ZFPM1: variants seen among roughly 807,000 people sequenced by gnomAD.
ZFPM1 encodes the protein zinc finger protein, FOG family member 1.
ZFPM1 carries 28 observed loss-of-function variants against 46.3 expected under a neutral mutation model. That is an observed-to-expected ratio of 0.60 (90% CI 0.45 to 0.83). ZFPM1 has a LOEUF of 0.83. Ranked by LOEUF, ZFPM1 falls within the 40% of genes least tolerant of loss-of-function variation. ZFPM1 has a pLI of 0.00. For synonymous variants in ZFPM1, 957 were observed against 675.9 expected (o/e 1.42, Z -6.45); for missense variants, 1,878 against 1,432.4 (o/e 1.31, Z -5.02).
intron 1 of ZFPM1, 61 bp from the exon 2 acceptor site, chr16:88,485,878 C>G: frequency 6.5e-7 from 1 of 1,533,410 alleles, no homozygotes; most frequent in Non-Finnish European, 9.0e-7. Flanking sequence ...CAGGAGGGGT[C>G]AGGAGGCAGG....
intron 4 of ZFPM1, among the ~76,000 whole-genome samples, chr16:88,518,120 G>A (rs1174121648): frequency 1.3e-5 from 2 of 152,084 alleles, no homozygotes; most frequent in African/African-American, 4.8e-5. Flanking sequence ...CAGGAGAATG[G>A]TGTGAACCCG....
intron 1 of ZFPM1, among the ~76,000 whole-genome samples, chr16:88,468,466 C>G (rs1157120164): frequency 1.3e-5 from 2 of 152,196 alleles, no homozygotes; most frequent in Non-Finnish European, 1.5e-5. Context: ...GGGGTTGGGA[C>G]TTGGGGCCAG....
At position 88,526,834 on chromosome 16, in the gene ZFPM1, G is replaced by A. The variant is rs1377273055; in HGVS notation, c.423G>A (p.Leu141=). The A allele has an allele frequency of 2.6e-6, 4 of 1,534,234 alleles. No homozygotes were observed. In the Admixed American group the frequency reaches 5.8e-5, roughly 22 times the overall value. The change falls in exon 5 of 10, where the codon CTG becomes CTA. Residue 141 remains leucine (L), a synonymous_variant. Transcript: ENST00000319555. ...QAEPSPALTL[L]LVDEACWLRT... ...CCCAGAGCCCAGCCCTGACCCTGCT[G>A]CTGGTGGACGAGGCCTGCTGGCTGA...
At chr16:88,531,321 A>G (rs1486945029) in intron 6 of ZFPM1, among the ~76,000 whole-genome samples, 1 of 152,082 alleles carries the variant, frequency 6.6e-6, no homozygotes, top group Non-Finnish European at 1.5e-5. Context: ...CTGCTGGCAA[A>G]ACCACCGTAA....
In ZFPM1 at chr16:88,536,362, C is replaced by CA. The variant is rs1242121291; in HGVS notation, c.*1384dup. On this transcript the variant is annotated 3_prime_UTR_variant, in exon 10 of 10. Transcript: ENST00000319555. ...AACTTTTAAAACATTTTTATAGAGA[C>CA]AGGGTCTTCCTGTGTTGCCCAAGAT... The CA allele has an allele frequency of 6.6e-6, 1 of 152,158 alleles. No individual in the cohort carries two copies. Among genetic ancestry groups the CA allele is most frequent in the Non-Finnish European group, 1.5e-5 (1 of 68,030 alleles). The allele number at this position is 152,158 out of a possible 1,614,324, so 9.4% of individuals were successfully genotyped here. A position where few individuals can be genotyped will look rare whatever the true frequency, so the allele number is the denominator to read the frequency against.
rs1597295397 is a variant in ZFPM1, at chr16:88,536,738, C to G, written c.*1759C>G. The G allele has an allele frequency of 6.6e-6, 1 of 152,376 alleles. No individual in the cohort carries two copies. Among genetic ancestry groups the G allele is most frequent in the East Asian group, 1.9e-4 (1 of 5,178 alleles). The allele number at this position is 152,376 out of a possible 1,614,324, so 9.4% of individuals were successfully genotyped here. ...GCCAATGGACAGACATGGCTTCCAC[C>G]CCCTCCCAGGGACCTGAGCTCCAGG... On this transcript the variant is annotated 3_prime_UTR_variant, in exon 10 of 10. Transcript: ENST00000319555.
chr16:88,524,339 G>A (rs1912146549), intron 4 of ZFPM1, among the ~76,000 whole-genome samples: 1 of 152,132 alleles, frequency 6.6e-6, no homozygotes, highest in Admixed American at 6.5e-5. Flanking sequence ...ATTGCCCCTG[G>A]GGTTTACCCC....
chr16:88,476,602 C>T (rs1044130214), intron 1 of ZFPM1, among the ~76,000 whole-genome samples: 2 of 152,012 alleles, frequency 1.3e-5, no homozygotes, highest in African/African-American at 4.8e-5. Flanking sequence ...CTCCGAGATC[C>T]CCGGGGGCCC....
At position 88,533,399 on chromosome 16, in the gene ZFPM1, C is replaced by T; in HGVS notation, c.1441C>T (p.Pro481Ser). 6.6e-7 allele frequency: 1 copy of T among 1,510,934 alleles called. No individual in the cohort carries two copies. The highest frequency in any genetic ancestry group is 1.4e-5 in the African/African-American group (1 of 69,608). 93.6% of individuals were successfully genotyped at this position (1,510,934 alleles called of 1,614,324 possible). ...EAAPILGPGEPGPQAPSRTPS... is the reference protein window; with the variant it reads ...EAAPILGPGESGPQAPSRTPS... ...GGCCCCCATCCTGGGCCCCGGAGAG[C>T]CTGGGCCCCAGGCCCCGTCGCGGAC... The change falls in exon 10 of 10, where the codon CCT becomes TCT. Residue 481 changes from proline to serine, a missense_variant. By Grantham distance (74) the Pro-to-Ser change is moderately conservative. Transcript: ENST00000319555.
chr16:88,461,787 C>T (rs575386786), intron 1 of ZFPM1, among the ~76,000 whole-genome samples: 2 of 152,314 alleles, frequency 1.3e-5, no homozygotes, highest in African/African-American at 4.8e-5. Flanking sequence ...GCCTCACACC[C>T]CAGCCCCGGC....
chr16:88,497,279 C>A lies in ZFPM1; in HGVS notation c.268+8126C>A, dbSNP rs1056223559. On this transcript the variant is annotated intron_variant, in intron 3 of 9. Coordinates refer to ENST00000319555, the MANE Select transcript of ZFPM1 (RefSeq NM_153813.3). The surrounding 1 kb of genome is among the most constrained non-coding windows in gnomAD (Gnocchi z 5.4). ...GACGGCCCCAGCCCCAGCCCCAGCC[C>A]CAGCCCCATTCCAAGGTGTGACAGA... Among the ~76,000 whole-genome samples the A allele has an allele frequency of 2.6e-5, 4 of 152,176 alleles. No homozygotes were observed. The highest frequency in any genetic ancestry group is 7.2e-5 in the African/African-American group (3 of 41,446).
chr16:88,466,988 G>T (rs113665093), intron 1 of ZFPM1, among the ~76,000 whole-genome samples: 1 of 152,024 alleles, frequency 6.6e-6, no homozygotes, highest in South Asian at 2.1e-4. Context: ...GGGGGGACAC[G>T]AGCCGGGGCG....
intron 2 of ZFPM1, among the ~76,000 whole-genome samples, chr16:88,486,789 G>C (rs1304453170): frequency 6.7e-6 from 1 of 150,010 alleles, no homozygotes; most frequent in African/African-American, 2.5e-5. Flanking sequence ...TGGGTGCTGG[G>C]TGCACAGTGG....
At chr16:88,499,510 CA>C (rs2142396945) in intron 3 of ZFPM1, among the ~76,000 whole-genome samples, 1 of 152,282 alleles carries the variant, frequency 6.6e-6, no homozygotes, top group Non-Finnish European at 1.5e-5. Context: ...GCGAAGGGGC[CA>C]GGGGGCAGGC....
chr16:88,494,622 G>A (rs1380872158), intron 3 of ZFPM1, among the ~76,000 whole-genome samples: 2 of 152,212 alleles, frequency 1.3e-5, no homozygotes, highest in African/African-American at 2.4e-5. Flanking sequence ...CTGCAGTAGG[G>A]AGCAGAGGGT....
At chr16:88,454,569 G>A (rs1019263368) in intron 1 of ZFPM1, among the ~76,000 whole-genome samples, 3 of 152,240 alleles carry the variant, frequency 2.0e-5, no homozygotes, top group Non-Finnish European at 2.9e-5. Context: ...CTCCCTGCCC[G>A]GTCAGAGGCT....
In ZFPM1 at chr16:88,535,017, G is replaced by A; in HGVS notation, c.*38G>A. On this transcript the variant is annotated 3_prime_UTR_variant, in exon 10 of 10. Transcript: ENST00000319555. ...CAGCCGCAGACGCTTTGCACGCCCC[G>A]CTGCGATGCGGGGAGGGGGCCGCCC... is the stretch of plus-strand genomic sequence containing the variant. 7.4e-7 allele frequency: 1 copy of A among 1,354,734 alleles called. No homozygotes were observed. Among genetic ancestry groups the A allele is most frequent in the Non-Finnish European group, 9.6e-7 (1 of 1,044,778 alleles). The allele number at this position is 1,354,734 out of a possible 1,614,324, so 83.9% of individuals were successfully genotyped here. A position where few individuals can be genotyped will look rare whatever the true frequency, so the allele number is the denominator to read the frequency against.
In ZFPM1 at chr16:88,534,661, G is replaced by A; in HGVS notation, c.2703G>A (p.Ser901=). 2 of 999,392 alleles carry A rather than the reference G, an allele frequency of 2.0e-6. No homozygotes were observed. Among genetic ancestry groups the A allele is most frequent in the Non-Finnish European group, 2.4e-6 (2 of 841,734 alleles). 61.9% of individuals were successfully genotyped at this position (999,392 alleles called of 1,614,324 possible). ...EARTPADRGP[S]PAPAPAASPQ... is the part of the protein sequence containing the mutation. ...GGACGCCGGCCGACCGCGGCCCCTCGCCCGCTCCCGCCCCCGCCGCCTCCC... is the reference window on the plus strand; with the variant it reads ...GGACGCCGGCCGACCGCGGCCCCTCACCCGCTCCCGCCCCCGCCGCCTCCC... The change falls in exon 10 of 10, where the codon TCG becomes TCA. Residue 901 remains serine, a synonymous_variant. Coordinates refer to ENST00000319555, the MANE Select transcript of ZFPM1 (RefSeq NM_153813.3).
intron 3 of ZFPM1, among the ~76,000 whole-genome samples, chr16:88,505,502 G>C (rs2142409956): frequency 6.6e-6 from 1 of 152,306 alleles, no homozygotes; most frequent in South Asian, 2.1e-4. Flanking sequence ...CTGCCCCCTG[G>C]TGCCCTCAGG....
Sources: gnomAD v4.1 joint callset for allele counts (sites outside exome capture counted in the v4.1 genomes callset) on GRCh38, gnomAD v4.1.1 for gene constraint, Gnocchi (gnomAD v3.1) non-coding constraint, MANE v1.5 for transcripts, NCBI Gene and HGNC (gene_info 2026-07-23, HGNC 2026-07-21) for gene names.